Variants in KALRN observed in about 807,000 individuals in gnomAD.
The protein encoded by KALRN is kalirin RhoGEF kinase.
In KALRN, 70 loss-of-function variants were observed where a neutral mutation model predicts 353.7. That is an observed-to-expected ratio of 0.20 (90% CI 0.16 to 0.24). The LOEUF is 0.24. Ranked by LOEUF, KALRN falls within the 10% of genes least tolerant of loss-of-function variation. The pLI is 1.00. For missense variants in KALRN, 2,791 were observed against 3,756.7 expected (o/e 0.74, Z 6.72); for synonymous variants, 1,391 against 1,434.8 (o/e 0.97, Z 0.69).
intron 34 of KALRN, among the ~76,000 whole-genome samples, chr3:124,587,870 T>G (rs1170811200): frequency 2.7e-5 from 4 of 147,792 alleles, no homozygotes; most frequent in Non-Finnish European, 6.0e-5. Flanking sequence ...AATATTTTTA[T>G]TTTTTGTAGA....
intron 1 of KALRN, among the ~76,000 whole-genome samples, chr3:124,114,339 C>T (rs987439578): frequency 1.3e-5 from 2 of 152,116 alleles, no homozygotes; most frequent in Admixed American, 1.3e-4. Context: ...TAGCCAATGC[C>T]GTGGGCTCAC....
Position 124,053,625 on chromosome 3 carries a change from A to T in KALRN, c.73+19812A>T, listed in dbSNP as rs557391526. Among the ~76,000 whole-genome samples, 4 of 152,354 alleles carry T rather than the reference A, an allele frequency of 2.6e-5. No homozygotes were observed. The East Asian group carries it at 7.7e-4, about 29-fold the overall frequency. ...TATTTTGAATACAAAACGTTAAAAA[A>T]AAACCCAGAGTGACTGACGGTTGGA... On this transcript the variant is annotated intron_variant, in intron 1 of 59. Coordinates refer to ENST00000682506, the MANE Select transcript of KALRN (RefSeq NM_001388419.1).
chr3:124,243,294 G>T (rs947874093), intron 3 of KALRN, among the ~76,000 whole-genome samples: 1 of 152,210 alleles, frequency 6.6e-6, no homozygotes, highest in Non-Finnish European at 1.5e-5. Context: ...TCATGGAAAC[G>T]CTGTGAACAG....
chr3:124,340,761 C>CA (rs1443243932), intron 9 of KALRN, among the ~76,000 whole-genome samples: 1 of 152,152 alleles, frequency 6.6e-6, no homozygotes, highest in Admixed American at 6.5e-5. Flanking sequence ...TCAAGACCAG[C>CA]CTGGCCAACA....
intron 1 of KALRN, among the ~76,000 whole-genome samples, chr3:124,102,302 T>C (rs962752944): frequency 1.3e-5 from 2 of 152,212 alleles, no homozygotes; most frequent in Non-Finnish European, 2.9e-5. Context: ...TGTTGTTCTA[T>C]ACCAGAGCCT....
rs1217588484 is a variant in KALRN, at chr3:124,314,339, G to A, written c.1093-11641G>A. On this transcript the variant is annotated intron_variant, in intron 6 of 59. Coordinates refer to ENST00000682506, the MANE Select transcript of KALRN (RefSeq NM_001388419.1). ...CATAGGTTGGGGAACATCACATACC[G>A]GGGCCTGTTGTGGGGTGGGGGGAGG... 2.4e-5 allele frequency among the ~76,000 whole-genome samples: 3 copies of A among 126,880 alleles called. No homozygotes were observed. The East Asian group carries it at 8.4e-4, about 36-fold the overall frequency. 83.2% of individuals were successfully genotyped at this position (126,880 alleles called of 152,430 possible).
Position 124,033,848 on chromosome 3 carries a change from A to G in KALRN, c.73+35A>G, listed in dbSNP as rs1328611923. 6.6e-6 allele frequency among the ~76,000 whole-genome samples: 1 copy of G among 152,120 alleles called. No homozygotes were observed. Among genetic ancestry groups the G allele is most frequent in the East Asian group, 1.9e-4 (1 of 5,174 alleles). ...GCAGGGCGCGGGGGGCCAGGGCTGA[A>G]GGCTACTGCCTCGGACGCGGCGTCT... On this transcript the variant is annotated intron_variant, in intron 1 of 59. Coordinates refer to ENST00000682506, the MANE Select transcript of KALRN (RefSeq NM_001388419.1). This position sits in a 1 kb window ranked among gnomAD's most constrained non-coding sequence, Gnocchi z 6.2.
intron 1 of KALRN, among the ~76,000 whole-genome samples, chr3:124,113,064 G>T (rs1444180123): frequency 3.3e-5 from 5 of 152,164 alleles, no homozygotes; most frequent in Admixed American, 1.3e-4. Context: ...CCAGTGACGA[G>T]GTTTGTTTAG....
At chr3:124,105,571 C>T (rs554432867) in intron 1 of KALRN, among the ~76,000 whole-genome samples, 8 of 152,018 alleles carry the variant, frequency 5.3e-5, no homozygotes, top group Non-Finnish European at 1.0e-4. Context: ...ATAATAATTT[C>T]GTGGGAATAG....
chr3:124,272,296 G>C (rs1342225233), intron 5 of KALRN, among the ~76,000 whole-genome samples: 1 of 152,192 alleles, frequency 6.6e-6, no homozygotes, highest in East Asian at 1.9e-4. Flanking sequence ...GTAAATAAAT[G>C]ATGTTTCAGG....
At chr3:124,358,385 C>CA (rs1553927280) in intron 10 of KALRN, among the ~76,000 whole-genome samples, 44 of 151,378 alleles carry the variant, frequency 2.9e-4, no homozygotes, top group Non-Finnish European at 5.8e-4. Flanking sequence ...GGAAGGAAGT[C>CA]TTTTTTTTTC....
chr3:124,649,199 A>G lies in KALRN; in HGVS notation c.5665-1609A>G, dbSNP rs191381583. 2.0e-3 allele frequency among the ~76,000 whole-genome samples: 312 copies of G among 152,222 alleles called. 1 individual carries two copies. Among genetic ancestry groups the G allele is most frequent in the Non-Finnish European group, 3.2e-3 (215 of 68,016 alleles). On this transcript the variant is annotated intron_variant, in intron 37 of 59. Coordinates refer to ENST00000682506, the MANE Select transcript of KALRN (RefSeq NM_001388419.1). ...ATCTTCATATTCTCCATCTTTTCTTATAAAATGGACCATCAGGAACCTCAT... is the reference window on the plus strand; with the variant it reads ...ATCTTCATATTCTCCATCTTTTCTTGTAAAATGGACCATCAGGAACCTCAT...
chr3:124,102,819 C>T (rs1299799636), intron 1 of KALRN, among the ~76,000 whole-genome samples: 1 of 152,136 alleles, frequency 6.6e-6, no homozygotes, highest in Non-Finnish European at 1.5e-5. Context: ...TCTGAACTCT[C>T]CAGGGAACCA....
intron 6 of KALRN, among the ~76,000 whole-genome samples, chr3:124,313,999 C>T (rs1311593471): frequency 1.3e-5 from 2 of 152,106 alleles, no homozygotes; most frequent in Non-Finnish European, 2.9e-5. Flanking sequence ...AATGGTTGAA[C>T]TAGAATACCC....
chr3:124,310,867 A>G (rs2078178998), intron 6 of KALRN, among the ~76,000 whole-genome samples: 1 of 152,156 alleles, frequency 6.6e-6, no homozygotes, highest in Non-Finnish European at 1.5e-5. Flanking sequence ...TATTTATCTG[A>G]TAAGGGAGTT....
At chr3:124,335,047 G>A (rs560241095) in intron 9 of KALRN, among the ~76,000 whole-genome samples, 8 of 152,158 alleles carry the variant, frequency 5.3e-5, no homozygotes, top group Admixed American at 2.6e-4. Context: ...CGCCCGCCTC[G>A]GCCTCCCAAA....
At chr3:124,042,162 A>G (rs1280837329) in intron 1 of KALRN, among the ~76,000 whole-genome samples, 1 of 152,198 alleles carries the variant, frequency 6.6e-6, no homozygotes, top group Non-Finnish European at 1.5e-5. Flanking sequence ...AGGAGGTGTG[A>G]ATATTCATAG....
At chr3:124,230,869 A>C (rs964470337) in intron 2 of KALRN, among the ~76,000 whole-genome samples, 5 of 121,200 alleles carry the variant, frequency 4.1e-5, no homozygotes, top group Non-Finnish European at 5.6e-5. Flanking sequence ...AAAAAAAAAA[A>C]AACAAAAAAA....
rs117663161 is a variant in KALRN, at chr3:124,159,454, T to G, written c.74-68536T>G. On this transcript the variant is annotated intron_variant, in intron 1 of 59. Coordinates refer to ENST00000682506, the MANE Select transcript of KALRN (RefSeq NM_001388419.1). ...CCTGACCCATTTTTTGTATTTTTTG[T>G]AGAGATGGGGTTTTGCCCTGTTGCC... Among the ~76,000 whole-genome samples the G allele has an allele frequency of 9.5e-3, 1,450 of 152,170 alleles. 14 individuals carry two copies. The highest frequency in any genetic ancestry group is 0.044 in the South Asian group (211 of 4,812).
Sources: gnomAD v4.1 joint callset for allele counts (sites outside exome capture counted in the v4.1 genomes callset) on GRCh38, gnomAD v4.1.1 for gene constraint, Gnocchi (gnomAD v3.1) non-coding constraint, MANE v1.5 for transcripts, NCBI Gene and HGNC (gene_info 2026-07-23, HGNC 2026-07-21) for gene names.